CLTCL1: variants seen among roughly 807,000 people sequenced by gnomAD.
CLTCL1 encodes the protein clathrin heavy chain like 1, also known as clathrin heavy chain 2.
In CLTCL1, 159 loss-of-function variants were observed where a neutral mutation model predicts 190.0. The observed-to-expected ratio is 0.84, with a 90% confidence interval of 0.74 to 0.95. The LOEUF (loss-of-function observed/expected upper bound fraction) is 0.95. Among genes scored for constraint, CLTCL1 ranks in the 40% least tolerant of loss-of-function variants. The probability of loss-of-function intolerance (pLI) is 0.00; values close to 1 mark genes in which losing one functional copy is unlikely to be tolerated. For synonymous variants in CLTCL1, 752 were observed against 769.6 expected (o/e 0.98, Z 0.38); for missense variants, 1,878 against 2,033.4 (o/e 0.92, Z 1.47).
At chr22:19,265,667 C>T (rs1279195875) in intron 2 of CLTCL1, among the ~76,000 whole-genome samples, 3 of 152,010 alleles carry the variant, frequency 2.0e-5, no homozygotes, top group African/African-American at 4.8e-5. Context: ...TGTTAGGATG[C>T]ATTTTATAAA....
At chr22:19,268,499 A>T (rs563151328) in intron 2 of CLTCL1, among the ~76,000 whole-genome samples, 1 of 152,104 alleles carries the variant, frequency 6.6e-6, no homozygotes, top group Non-Finnish European at 1.5e-5. Context: ...CTTATAATTC[A>T]ATAATAAGAT....
intron 22 of CLTCL1, among the ~76,000 whole-genome samples, chr22:19,203,423 CTG>C (rs2084957257): frequency 6.6e-6 from 1 of 152,206 alleles, no homozygotes; most frequent in Admixed American, 6.5e-5. Context: ...CAGGGAGTAT[CTG>C]TGTGTCTGTA....
At chr22:19,188,683 C>T (rs952541963) in intron 27 of CLTCL1, among the ~76,000 whole-genome samples, 1 of 150,868 alleles carries the variant, frequency 6.6e-6, no homozygotes, top group Non-Finnish European at 1.5e-5. Context: ...GTGATCTCGG[C>T]TCACTGCATC....
Position 19,196,380 on chromosome 22 carries a change from A to G in CLTCL1, c.4077T>C (p.Ala1359=), listed in dbSNP as rs375139032. ...ACTTGTCATAGAGGAACACCAGCTC[A>G]GCCCACAGGTGTGCCTGCTCTGCAG... The part of the protein sequence containing the change: ...LRAAEQAHLW[A]ELVFLYDKYE... Residue 1359 remains alanine, a synonymous_variant, in exon 26 of 33, where the codon GCT becomes GCC. Coordinates refer to ENST00000427926, the MANE Select transcript of CLTCL1 (RefSeq NM_007098.4). 5.0e-6 allele frequency: 8 copies of G among 1,613,714 alleles called. No homozygotes were observed. The African/African-American group carries it at 1.1e-4, about 22-fold the overall frequency.
Position 19,196,415 on chromosome 22 carries a change from C to T in CLTCL1, c.4042G>A (p.Val1348Met), listed in dbSNP as rs781993061. The T allele has an allele frequency of 1.2e-6, 2 of 1,614,074 alleles. No individual in the cohort carries two copies. Among genetic ancestry groups the T allele is most frequent in the South Asian group, 1.1e-5 (1 of 91,086 alleles). ...LFWSRVNIPK[V>M]LRAAEQAHLW... ...TGTGCCTGCTCTGCAGCCCTCAGCA[C>T]CTGGACAAGGAGGTCAGGGTCGGCT... Residue 1348 changes from valine to methionine, a missense_variant and splice_region_variant, in exon 26 of 33, where the codon GTG (valine) becomes ATG (methionine). Transcript: ENST00000427926.
intron 2 of CLTCL1, among the ~76,000 whole-genome samples, chr22:19,262,585 T>C (rs559327878): frequency 1.0e-3 from 150 of 149,508 alleles, no homozygotes; most frequent in Non-Finnish European, 1.9e-3. Flanking sequence ...TGAGCCGAGA[T>C]TGCACTACTG....
intron 1 of CLTCL1, among the ~76,000 whole-genome samples, chr22:19,288,816 C>T (rs2088003166): frequency 6.6e-6 from 1 of 152,222 alleles, no homozygotes. Flanking sequence ...GCACAAGAGC[C>T]GCCCATGGGG....
Position 19,229,986 on chromosome 22 carries a change from T to C in CLTCL1, c.1645-11A>G, listed in dbSNP as rs1555958088. On this transcript the variant is annotated splice_polypyrimidine_tract_variant and intron_variant, in intron 10 of 32. Coordinates refer to ENST00000427926, the MANE Select transcript of CLTCL1 (RefSeq NM_007098.4). ...GAAAATGTCCACAATCTGAAACATA[T>C]CCAAGCCACATTTTCACTCAGTATG... The C allele has an allele frequency of 1.3e-6, 2 of 1,589,000 alleles. No individual in the cohort carries two copies. Among genetic ancestry groups the C allele is most frequent in the South Asian group, 1.1e-5 (1 of 87,406 alleles).
chr22:19,200,544 A>C (rs1269014844), intron 23 of CLTCL1, among the ~76,000 whole-genome samples: 1 of 152,236 alleles, frequency 6.6e-6, no homozygotes, highest in Admixed American at 6.5e-5. Context: ...TAATGCATAC[A>C]TTAACAAAGG....
intron 26 of CLTCL1, among the ~76,000 whole-genome samples, chr22:19,191,805 T>C (rs1220171654): frequency 6.6e-6 from 1 of 152,230 alleles, no homozygotes; most frequent in East Asian, 1.9e-4. Flanking sequence ...GCAAGATTAC[T>C]CCAGCTTTCC....
intron 10 of CLTCL1, 80 bp from the exon 11 acceptor site, chr22:19,230,055 A>T: frequency 7.7e-7 from 1 of 1,295,438 alleles, no homozygotes; most frequent in Non-Finnish European, 1.0e-6. Flanking sequence ...AGTTCCTGAA[A>T]TATTATCTCA....
chr22:19,267,885 G>C (rs2087171983), intron 2 of CLTCL1, among the ~76,000 whole-genome samples: 1 of 147,556 alleles, frequency 6.8e-6, no homozygotes, highest in Admixed American at 6.9e-5. Flanking sequence ...AGAAGAACAA[G>C]ACTCTGTCTC....
At chr22:19,237,172 C>T (rs996894299) in intron 5 of CLTCL1, among the ~76,000 whole-genome samples, 5 of 151,968 alleles carry the variant, frequency 3.3e-5, no homozygotes, top group Admixed American at 1.3e-4. Flanking sequence ...AAAGCTCTTA[C>T]GAATAAGGTA....
chr22:19,269,489 A>G (rs2087232771), intron 2 of CLTCL1, among the ~76,000 whole-genome samples: 1 of 152,158 alleles, frequency 6.6e-6, no homozygotes, highest in South Asian at 2.1e-4. Flanking sequence ...ACATGCACAC[A>G]TATGTTTATT....
At chr22:19,246,062 C>T (rs1569218218) in intron 3 of CLTCL1, among the ~76,000 whole-genome samples, 1 of 151,932 alleles carries the variant, frequency 6.6e-6, no homozygotes, top group East Asian at 1.9e-4. Context: ...CTGTGTTTAA[C>T]TTTTTTTTAT....
Position 19,275,678 on chromosome 22 carries a change from A to G in CLTCL1, c.195T>C (p.Pro65=). 2 of 1,606,624 alleles carry G rather than the reference A, an allele frequency of 1.2e-6. No homozygotes were observed. Among genetic ancestry groups the G allele is most frequent in the Non-Finnish European group, 8.5e-7 (1 of 1,176,518 alleles). The part of the protein sequence containing the change: ...MSDPMAPIRR[P]ISAESAIMNP... Reference sequence around the variant, plus strand: ...TCATGATGGCACTCTCTGCAGAGATAGGCCGTCGGATCGGAGCCATTGGGT... The same window carrying G: ...TCATGATGGCACTCTCTGCAGAGATGGGCCGTCGGATCGGAGCCATTGGGT... Residue 65 remains proline, a synonymous_variant, in exon 2 of 33, where the codon CCT becomes CCC. Coordinates refer to ENST00000427926, the MANE Select transcript of CLTCL1 (RefSeq NM_007098.4).
chr22:19,229,899 C>T lies in CLTCL1; in HGVS notation c.1721G>A (p.Arg574His), dbSNP rs45489597. 4,927 of 1,611,190 alleles carry T rather than the reference C, an allele frequency of 3.1e-3. 17 individuals carry two copies. The highest frequency in any genetic ancestry group is 3.3e-3 in the Non-Finnish European group (3,908 of 1,178,920). Reference protein sequence around the residue: ...SFLLDALKNNRPAEGLLQTWL... With the variant: ...SFLLDALKNNHPAEGLLQTWL... ...TGTCTGCAGGAGTCCCTCAGCTGGG[C>T]GATTATTCTTCAAGGCATCCAATAA... Residue 574 changes from arginine to histidine, a missense_variant, in exon 11 of 33, where the codon CGC (arginine) becomes CAC (histidine). By Grantham distance (29) the Arg-to-His change is conservative. Transcript: ENST00000427926.
At chr22:19,181,022 T>G in intron 30 of CLTCL1, 2 of 569,198 alleles carry the variant, frequency 3.5e-6, no homozygotes, top group East Asian at 5.8e-5. Context: ...TGGGCTGAGA[T>G]GGAACGCCAG....
chr22:19,234,406 A>T, intron 7 of CLTCL1, 103 bp downstream of exon 7: 1 of 1,048,524 alleles, frequency 9.5e-7, no homozygotes, highest in Non-Finnish European at 1.4e-6. Flanking sequence ...ACATAACACT[A>T]ATAGACTGCA....
Sources: gnomAD v4.1 joint callset for allele counts (sites outside exome capture counted in the v4.1 genomes callset) on GRCh38, gnomAD v4.1.1 for gene constraint, MANE v1.5 for transcripts, NCBI Gene and HGNC (gene_info 2026-07-23, HGNC 2026-07-21) for gene names.